The following SPTLC3 variants were observed in gnomAD, a reference collection of about 807,000 sequenced individuals.
The protein encoded by SPTLC3 is serine palmitoyltransferase 3.
A neutral mutation model predicts 59.3 loss-of-function variants in SPTLC3; 36 were observed. That is an observed-to-expected ratio of 0.61 (90% CI 0.47 to 0.80). SPTLC3 has a LOEUF of 0.80. Among genes scored for constraint, SPTLC3 ranks in the 30% least tolerant of loss-of-function variants. The pLI is 0.00. For missense variants in SPTLC3, 625 were observed against 685.1 expected, an observed-to-expected ratio of 0.91 and a Z score of 0.98; for synonymous variants, 257 against 240.8, an observed-to-expected ratio of 1.07 and a Z score of -0.62.
At chr20:13,073,940 G>A in intron 3 of SPTLC3, 1 of 585,186 alleles carries the variant, frequency 1.7e-6, no homozygotes, top group South Asian at 1.4e-5. Flanking sequence ...ATCCAGGGAG[G>A]TGTGGCACCT....
intron 6 of SPTLC3, among the ~76,000 whole-genome samples, chr20:13,108,326 G>A (rs1207073447): frequency 6.6e-6 from 1 of 152,212 alleles, no homozygotes; most frequent in African/African-American, 2.4e-5. Context: ...CTCATTGAAT[G>A]TGGCAGAGTT....
At chr20:13,088,046 C>T (rs1989062766) in intron 4 of SPTLC3, among the ~76,000 whole-genome samples, 1 of 152,166 alleles carries the variant, frequency 6.6e-6, no homozygotes, top group Admixed American at 6.5e-5. Flanking sequence ...TAATAGAAGA[C>T]CTAAAGCCAG....
chr20:13,091,370 C>A (rs988612754), intron 5 of SPTLC3, among the ~76,000 whole-genome samples, 163 bp downstream of exon 5: 1 of 151,834 alleles, frequency 6.6e-6, no homozygotes, highest in Non-Finnish European at 1.5e-5. Flanking sequence ...GTCAAGAGAC[C>A]TAGATCATCC....
chr20:13,048,389 C>A (rs112016672), intron 1 of SPTLC3, among the ~76,000 whole-genome samples: 1 of 152,188 alleles, frequency 6.6e-6, no homozygotes. Context: ...AAGACCAGGA[C>A]AGTTGTCCTA....
At chr20:13,054,008 G>A (rs1453610569) in intron 2 of SPTLC3, among the ~76,000 whole-genome samples, 1 of 152,190 alleles carries the variant, frequency 6.6e-6, no homozygotes, top group African/African-American at 2.4e-5. Flanking sequence ...CTGATTTGGT[G>A]TTTAATGAAA....
chr20:13,041,907 A>T (rs1032401379), intron 1 of SPTLC3, among the ~76,000 whole-genome samples: 1 of 152,186 alleles, frequency 6.6e-6, no homozygotes, highest in African/African-American at 2.4e-5. Context: ...GGAAGCTTCT[A>T]TATGACTGTG....
chr20:13,037,330 C>A (rs575585975), intron 1 of SPTLC3, among the ~76,000 whole-genome samples: 55 of 152,226 alleles, frequency 3.6e-4, no homozygotes, highest in African/African-American at 1.3e-3. Context: ...AGAAAGGTCA[C>A]CTTCAACTGA....
chr20:13,151,178 T>C (rs914407584), intron 9 of SPTLC3, among the ~76,000 whole-genome samples: 1 of 152,254 alleles, frequency 6.6e-6, no homozygotes, highest in Non-Finnish European at 1.5e-5. Flanking sequence ...TCACAGATTC[T>C]GCTAATAAGC....
chr20:13,109,783 A>G (rs1042766213), intron 6 of SPTLC3, among the ~76,000 whole-genome samples: 1 of 152,218 alleles, frequency 6.6e-6, no homozygotes, highest in African/African-American at 2.4e-5. Context: ...TCAGCCTGCA[A>G]CAAAGCTTAG....
At chr20:13,038,031 C>T (rs562255284) in intron 1 of SPTLC3, among the ~76,000 whole-genome samples, 1 of 129,538 alleles carries the variant, frequency 7.7e-6, no homozygotes, top group Non-Finnish European at 1.7e-5. Context: ...CTGGAAAATA[C>T]AGAGAAAATC....
chr20:13,158,771 T>C (rs950258159), intron 10 of SPTLC3, among the ~76,000 whole-genome samples: 5 of 152,168 alleles, frequency 3.3e-5, no homozygotes, highest in Non-Finnish European at 1.5e-5. Context: ...GCAGTCTCCA[T>C]TGCTTCATCT....
At chr20:13,152,106 C>A (rs2038662351) in intron 9 of SPTLC3, among the ~76,000 whole-genome samples, 1 of 152,124 alleles carries the variant, frequency 6.6e-6, no homozygotes, top group Non-Finnish European at 1.5e-5. Flanking sequence ...GAGGGGCTAA[C>A]AACACAGATT....
intron 8 of SPTLC3, among the ~76,000 whole-genome samples, chr20:13,125,394 A>G (rs555904049): frequency 9.0e-4 from 137 of 152,220 alleles, no homozygotes; most frequent in Non-Finnish European, 1.3e-3. Flanking sequence ...TGGTCCTAAT[A>G]TTCTGGTTTA....
At chr20:13,024,481 C>A (rs1000733764) in intron 1 of SPTLC3, among the ~76,000 whole-genome samples, 4 of 152,168 alleles carry the variant, frequency 2.6e-5, no homozygotes, top group Admixed American at 2.6e-4. Context: ...CTAAACCCTT[C>A]AGCATGCATA....
chr20:13,081,750 C>A (rs557709424), intron 4 of SPTLC3, among the ~76,000 whole-genome samples: 7 of 152,108 alleles, frequency 4.6e-5, no homozygotes, highest in Non-Finnish European at 8.8e-5. Context: ...ACCACAAAAC[C>A]TTTCTTCATG....
At chr20:13,105,656 G>T (rs1409650726) in intron 6 of SPTLC3, among the ~76,000 whole-genome samples, 1 of 152,068 alleles carries the variant, frequency 6.6e-6, no homozygotes, top group Admixed American at 6.6e-5. Flanking sequence ...ATTTTAAAAT[G>T]ACTACTAATT....
At position 13,056,468 on chromosome 20, in the gene SPTLC3, TTTTG is replaced by T. The variant is rs1326453287; in HGVS notation, c.303+7339_303+7342del. 1.3e-5 allele frequency among the ~76,000 whole-genome samples: 2 copies of T among 149,836 alleles called. 1 individual carries two copies. Among genetic ancestry groups the T allele is most frequent in the Admixed American group, 1.3e-4 (2 of 14,978 alleles). On this transcript the variant is annotated intron_variant, in intron 2 of 11. Coordinates refer to ENST00000399002, the MANE Select transcript of SPTLC3 (RefSeq NM_018327.4). The stretch of plus-strand genomic sequence containing the variant: ...CTTTAACTTTTTTTCTTTTTTTTTT[TTTTG>T]AGACGGAGTCTCACTCTGTCACCCA...
At chr20:13,154,968 G>T (rs112025611) in intron 10 of SPTLC3, among the ~76,000 whole-genome samples, 2,796 of 152,118 alleles carry the variant, frequency 0.018, 53 homozygotes, top group South Asian at 0.03. Context: ...ATCACCTGAG[G>T]TCAGGAGTTC....
intron 7 of SPTLC3, among the ~76,000 whole-genome samples, chr20:13,116,695 A>T (rs1381177729): frequency 6.6e-6 from 1 of 152,170 alleles, no homozygotes; most frequent in Non-Finnish European, 1.5e-5. Context: ...ATGAAAAATA[A>T]AACAGTTAGG....
Sources: allele counts gnomAD v4.1 joint callset (sites outside exome capture counted in the v4.1 genomes callset), GRCh38; gene constraint gnomAD v4.1.1; transcripts MANE v1.5; gene names NCBI Gene and HGNC (gene_info 2026-07-23, HGNC 2026-07-21).